The following DLGAP1 variants were observed in gnomAD, a reference collection of about 807,000 sequenced individuals.
The protein encoded by DLGAP1 is DLG associated protein 1, also known as disks large-associated protein 1.
A neutral mutation model predicts 90.8 loss-of-function variants in DLGAP1; 11 were observed. That is an observed-to-expected ratio of 0.12 (90% CI 0.08 to 0.20). DLGAP1 has a LOEUF of 0.20. DLGAP1 is among the 10% of genes least tolerant of loss of function. The probability of loss-of-function intolerance (pLI) is 1.00; values close to 1 mark genes in which losing one functional copy is unlikely to be tolerated. For synonymous variants in DLGAP1, 558 were observed against 540.7 expected, an observed-to-expected ratio of 1.03 and a Z score of -0.44; for missense variants, 1,050 against 1,333.8, an observed-to-expected ratio of 0.79 and a Z score of 3.31.
At chr18:4,308,989 T>C (rs774580229) in intron 1 of DLGAP1, among the ~76,000 whole-genome samples, 2 of 152,216 alleles carry the variant, frequency 1.3e-5, no homozygotes, top group Non-Finnish European at 2.9e-5. Context: ...TTGTGGTCAT[T>C]ATAACAACTA....
At chr18:4,283,384 T>C (rs1318845039) in intron 1 of DLGAP1, among the ~76,000 whole-genome samples, 1 of 152,234 alleles carries the variant, frequency 6.6e-6, no homozygotes, top group African/African-American at 2.4e-5. Context: ...CAATATTATG[T>C]AGCAAAAGGA....
chr18:3,788,695 C>T (rs1395301199), intron 5 of DLGAP1, among the ~76,000 whole-genome samples: 1 of 152,154 alleles, frequency 6.6e-6, no homozygotes, highest in East Asian at 1.9e-4. Context: ...CTTGGCAATC[C>T]TATCACTATC....
chr18:4,400,309 A>G (rs1327821859), intron 1 of DLGAP1, among the ~76,000 whole-genome samples: 1 of 152,256 alleles, frequency 6.6e-6, no homozygotes, highest in Non-Finnish European at 1.5e-5. Flanking sequence ...AGGTGACCTG[A>G]ATAATTCTGT....
chr18:4,280,922 A>G (rs2079535063), intron 1 of DLGAP1: 1 of 152,220 alleles, frequency 6.6e-6, no homozygotes, highest in Non-Finnish European at 1.5e-5. Flanking sequence ...TCTTTCAAAA[A>G]TGAGATTATT....
At chr18:3,742,793 AAGC>A (rs534807958) in intron 5 of DLGAP1, among the ~76,000 whole-genome samples, 34 of 152,334 alleles carry the variant, frequency 2.2e-4, no homozygotes, top group African/African-American at 8.2e-4. Context: ...AGCAGATAAT[AAGC>A]AGCAATTGTC....
chr18:4,010,900 G>A (rs1180023048), intron 2 of DLGAP1, among the ~76,000 whole-genome samples: 2 of 151,782 alleles, frequency 1.3e-5, no homozygotes, highest in Non-Finnish European at 2.9e-5. Flanking sequence ...CTCCGGCCAG[G>A]CACAGTGGCT....
intron 2 of DLGAP1, among the ~76,000 whole-genome samples, chr18:4,087,778 A>G (rs2143702888): frequency 6.6e-6 from 1 of 152,308 alleles, no homozygotes; most frequent in South Asian, 2.1e-4. Flanking sequence ...AATGACATAT[A>G]TACATATTTT....
intron 2 of DLGAP1, among the ~76,000 whole-genome samples, chr18:4,040,909 A>G (rs1275176862): frequency 6.6e-6 from 1 of 152,206 alleles, no homozygotes; most frequent in East Asian, 1.9e-4. Context: ...CACGGTTGCT[A>G]GTGAGCAACC....
intron 10 of DLGAP1, among the ~76,000 whole-genome samples, chr18:3,530,738 T>C (rs191670894): frequency 9.2e-5 from 14 of 152,254 alleles, no homozygotes; most frequent in African/African-American, 3.4e-4. Context: ...TGCTTGGGGG[T>C]CAACACTCAG....
intron 7 of DLGAP1, among the ~76,000 whole-genome samples, chr18:3,687,603 C>T (rs1477317899): frequency 6.6e-6 from 1 of 152,078 alleles, no homozygotes; most frequent in Non-Finnish European, 1.5e-5. Flanking sequence ...ATATATGAAG[C>T]TTTATTAACT....
At chr18:4,239,695 A>G (rs191517928) in intron 1 of DLGAP1, among the ~76,000 whole-genome samples, 339 of 152,330 alleles carry the variant, frequency 2.2e-3, no homozygotes, top group African/African-American at 7.9e-3. Flanking sequence ...GATGCTAAAC[A>G]AAGTGTCTTC....
At chr18:3,934,676 A>G (rs1049110745) in intron 3 of DLGAP1, among the ~76,000 whole-genome samples, 1 of 152,234 alleles carries the variant, frequency 6.6e-6, no homozygotes, top group Non-Finnish European at 1.5e-5. Context: ...AAGATCACAC[A>G]CGCTGTCTAT....
chr18:4,090,272 T>C (rs977094957), intron 2 of DLGAP1, among the ~76,000 whole-genome samples: 65 of 152,200 alleles, frequency 4.3e-4, no homozygotes, highest in African/African-American at 1.5e-3. Context: ...TAAAGAGCTT[T>C]GGCACAACAA....
chr18:3,753,804 A>G (rs951298071), intron 5 of DLGAP1, among the ~76,000 whole-genome samples: 4 of 152,208 alleles, frequency 2.6e-5, no homozygotes, highest in African/African-American at 9.6e-5. Flanking sequence ...ATTCTGACCA[A>G]TCATTGGCTG....
chr18:3,970,829 A>T (rs1413623472), intron 3 of DLGAP1, among the ~76,000 whole-genome samples: 1 of 152,194 alleles, frequency 6.6e-6, no homozygotes, highest in Non-Finnish European at 1.5e-5. Context: ...ATCCACTTTA[A>T]TATCAACTGG....
intron 1 of DLGAP1, among the ~76,000 whole-genome samples, chr18:4,413,291 A>T (rs1367036146): frequency 6.6e-6 from 1 of 152,118 alleles, no homozygotes; most frequent in East Asian, 1.9e-4. Flanking sequence ...ACTCTTCCCC[A>T]TGAGTTTAAA....
At chr18:4,353,485 G>C (rs1268101928) in intron 1 of DLGAP1, among the ~76,000 whole-genome samples, 1 of 152,160 alleles carries the variant, frequency 6.6e-6, no homozygotes, top group Non-Finnish European at 1.5e-5. Flanking sequence ...GTGATTGGCA[G>C]TTTTACGGTC....
Position 4,025,107 on chromosome 18 carries a change from G to A in DLGAP1, c.-158-19906C>T, listed in dbSNP as rs184373260. Among the ~76,000 whole-genome samples the A allele has an allele frequency of 2.4e-3, 361 of 152,176 alleles. 4 individuals are homozygous for A. The highest frequency in any genetic ancestry group is 6.8e-3 in the Middle Eastern group (2 of 294). On this transcript the variant is annotated intron_variant, in intron 2 of 12. Transcript: ENST00000315677. ...TTTTAGGTTCTAGGGATTTAGCAGC[G>A]GAAAGACAAGTAGAGGAAATAAAAA...
intron 2 of DLGAP1, among the ~76,000 whole-genome samples, chr18:4,059,835 T>A (rs12965698): frequency 0.39 from 60,022 of 152,080 alleles, 12,874 homozygotes; most frequent in Non-Finnish European, 0.49. Flanking sequence ...ATAACTGAGA[T>A]TAGAACAAGG....
Sources: allele counts gnomAD v4.1 joint callset (sites outside exome capture counted in the v4.1 genomes callset), GRCh38; gene constraint gnomAD v4.1.1; transcripts MANE v1.5; gene names NCBI Gene and HGNC (gene_info 2026-07-23, HGNC 2026-07-21).